The following AKAP19 variants were observed in gnomAD, a reference collection of about 807,000 sequenced individuals.
The protein encoded by AKAP19 is A-kinase anchoring protein 19.
the AKAP19 span, among the ~76,000 whole-genome samples, chr2:190,000,363 CT>C: frequency 6.6e-6 from 1 of 152,316 alleles, no homozygotes; most frequent in East Asian, 1.9e-4. Context: ...GGTCAGCTAT[CT>C]TCTAAGCTCA....
At chr2:189,963,194 CTT>C in the AKAP19 span, among the ~76,000 whole-genome samples, 1 of 69,412 alleles carries the variant, frequency 1.4e-5, no homozygotes, top group Admixed American at 2.1e-4. Flanking sequence ...TCGGGCTTCA[CTT>C]CTCTTTTTTT....
At chr2:190,057,576 A>G in the AKAP19 span, 14 of 1,613,408 alleles carry the variant, frequency 8.7e-6, no homozygotes, top group Non-Finnish European at 1.1e-5. Flanking sequence ...CATCACAGTC[A>G]AGACCAAAAT....
At chr2:189,919,044 T>A in the AKAP19 span, among the ~76,000 whole-genome samples, 1 of 152,220 alleles carries the variant, frequency 6.6e-6, no homozygotes, top group African/African-American at 2.4e-5. Flanking sequence ...AAGTTTTAAA[T>A]TTTGGCACAT....
the AKAP19 span, among the ~76,000 whole-genome samples, chr2:189,941,075 G>A: frequency 5.9e-5 from 9 of 152,220 alleles, no homozygotes; most frequent in East Asian, 1.7e-3. Context: ...TAGAAATCAG[G>A]CCAGGAGGAA....
the AKAP19 span, among the ~76,000 whole-genome samples, chr2:189,913,853 A>G: frequency 1.3e-5 from 2 of 152,232 alleles, no homozygotes; most frequent in Admixed American, 1.3e-4. Context: ...AATAATCTTG[A>G]ATTCATGGAG....
chr2:189,914,612 A>G, the AKAP19 span, among the ~76,000 whole-genome samples: 232 of 152,178 alleles, frequency 1.5e-3, 1 homozygote, highest in African/African-American at 5.1e-3. Flanking sequence ...TTTGCAGTTT[A>G]ATTATGTTTT....
the AKAP19 span, among the ~76,000 whole-genome samples, chr2:189,965,275 C>G: frequency 6.6e-6 from 1 of 152,120 alleles, no homozygotes; most frequent in South Asian, 2.1e-4. Context: ...AAAACAATTA[C>G]AAAAGTAACC....
At chr2:189,891,998 A>T in the AKAP19 span, among the ~76,000 whole-genome samples, 1 of 151,080 alleles carries the variant, frequency 6.6e-6, no homozygotes, top group Non-Finnish European at 1.5e-5. Context: ...TCAATCTCTG[A>T]TATCCTTTCT....
chr2:190,038,904 C>CTTTCTTTCTTTCTTTCT, the AKAP19 span, among the ~76,000 whole-genome samples: 320 of 89,742 alleles, frequency 3.6e-3, 7 homozygotes, highest in African/African-American at 0.014. Context: ...TTCTTTCTTT[C>CTTTCTTTCTTTCTTTCT]TTCTTCTTCT....
the AKAP19 span, among the ~76,000 whole-genome samples, chr2:190,136,037 G>T: frequency 6.6e-6 from 1 of 152,196 alleles, no homozygotes; most frequent in Non-Finnish European, 1.5e-5. Context: ...TTCCTGGCAT[G>T]TAGTAGACAC....
At chr2:189,951,037 G>C in the AKAP19 span, among the ~76,000 whole-genome samples, 1 of 152,038 alleles carries the variant, frequency 6.6e-6, no homozygotes, top group African/African-American at 2.4e-5. Flanking sequence ...GCACTTTCCT[G>C]GAGATAAGGG....
the AKAP19 span, among the ~76,000 whole-genome samples, chr2:189,894,700 TAATA>T: frequency 6.6e-6 from 1 of 150,950 alleles, no homozygotes; most frequent in African/African-American, 2.4e-5. Context: ...TATTAAATGT[TAATA>T]TATAGAAAAA....
At chr2:190,036,197 A>G in the AKAP19 span, among the ~76,000 whole-genome samples, 1 of 152,204 alleles carries the variant, frequency 6.6e-6, no homozygotes, top group Admixed American at 6.5e-5. Context: ...CTATCAAGAC[A>G]TATGACTGCT....
the AKAP19 span, among the ~76,000 whole-genome samples, chr2:189,959,569 A>G: frequency 7.9e-5 from 12 of 152,312 alleles, 1 homozygote; most frequent in East Asian, 1.7e-3. Flanking sequence ...TTTCAAAAGT[A>G]AGTGCTACTA....
At chr2:190,191,141 TTTTC>T in the AKAP19 span, among the ~76,000 whole-genome samples, 2 of 152,168 alleles carry the variant, frequency 1.3e-5, no homozygotes, top group Non-Finnish European at 2.9e-5. Flanking sequence ...ATACAATTTT[TTTTC>T]TTTATTTTTT....
the AKAP19 span, among the ~76,000 whole-genome samples, chr2:190,148,370 T>C: frequency 6.6e-6 from 1 of 152,266 alleles, no homozygotes; most frequent in African/African-American, 2.4e-5. Context: ...TTGATTATGG[T>C]GGATTATCTT....
At chr2:190,097,503 T>C in the AKAP19 span, among the ~76,000 whole-genome samples, 6 of 152,216 alleles carry the variant, frequency 3.9e-5, no homozygotes, top group Admixed American at 3.9e-4. Flanking sequence ...AAGATTTCTC[T>C]GTAGCATGCA....
chr2:190,169,049 C>A, the AKAP19 span, among the ~76,000 whole-genome samples: 2 of 152,048 alleles, frequency 1.3e-5, no homozygotes, highest in African/African-American at 4.8e-5. Flanking sequence ...AACACATATG[C>A]GAGATTGGGT....
chr2:190,069,173 T>TGAGAGAGA, the AKAP19 span, among the ~76,000 whole-genome samples: 1,444 of 98,810 alleles, frequency 0.015, 24 homozygotes, highest in African/African-American at 0.045. Context: ...TGTGTGTGTG[T>TGAGAGAGA]GTGAGAGAGA....
Sources: gnomAD v4.1 joint callset for allele counts (sites outside exome capture counted in the v4.1 genomes callset) on GRCh38, gnomAD v4.1.1 for gene constraint, MANE v1.5 for transcripts, NCBI Gene and HGNC (gene_info 2026-07-23, HGNC 2026-07-21) for gene names.